The following RSBN1L variants were observed in gnomAD, a reference collection of about 807,000 sequenced individuals.
RSBN1L encodes lysine-specific demethylase RSBN1L.
Under a neutral mutation model 67.7 loss-of-function variants are expected in RSBN1L, and 30 were observed. That is an observed-to-expected ratio of 0.44 (90% confidence interval 0.33 to 0.60). RSBN1L has a LOEUF of 0.60. RSBN1L is among the 20% of genes least tolerant of loss of function. The probability of loss-of-function intolerance (pLI) is 0.02; values close to 1 mark genes in which losing one functional copy is unlikely to be tolerated. For synonymous variants in RSBN1L, 433 were observed against 387.0 expected (o/e 1.12, Z -1.39); for missense variants, 992 against 1,031.7 (o/e 0.96, Z 0.53).
At chr7:77,768,825 A>G (rs771862153) in intron 5 of RSBN1L, 22 bp downstream of exon 5, 2 of 1,609,590 alleles carry the variant, frequency 1.2e-6, no homozygotes, top group South Asian at 1.1e-5. Flanking sequence ...ACACATTTTT[A>G]TTGGAGGGGA....
At chr7:77,775,021 C>T (rs1047663718) in intron 6 of RSBN1L, among the ~76,000 whole-genome samples, 6 of 152,158 alleles carry the variant, frequency 3.9e-5, no homozygotes, top group African/African-American at 1.4e-4. Context: ...ACCACCACAT[C>T]CAGTGAATAT....
chr7:77,744,126 T>C (rs909773939), intron 2 of RSBN1L, among the ~76,000 whole-genome samples: 1 of 152,002 alleles, frequency 6.6e-6, no homozygotes, highest in African/African-American at 2.4e-5. Flanking sequence ...CAACCTACTG[T>C]GCTCAAGCCA....
intron 1 of RSBN1L, among the ~76,000 whole-genome samples, chr7:77,709,198 A>ATGTATGTATG (rs1790936517): frequency 1.6e-5 from 1 of 63,644 alleles, no homozygotes; most frequent in African/African-American, 4.7e-5. Flanking sequence ...GTGTGTGTGT[A>ATGTATGTATG]TGTATGTGTA....
At chr7:77,710,992 C>T (rs1188744990) in intron 1 of RSBN1L, among the ~76,000 whole-genome samples, 1 of 152,196 alleles carries the variant, frequency 6.6e-6, no homozygotes, top group Non-Finnish European at 1.5e-5. Flanking sequence ...AGACCTTCAA[C>T]TTCTGGATAC....
At chr7:77,724,318 T>A (rs1791162193) in intron 1 of RSBN1L, among the ~76,000 whole-genome samples, 1 of 152,132 alleles carries the variant, frequency 6.6e-6, no homozygotes, top group Admixed American at 6.6e-5. Context: ...TCTAAATCTT[T>A]AAAAAAGTAT....
chr7:77,708,097 C>G (rs533212513), intron 1 of RSBN1L, among the ~76,000 whole-genome samples: 2 of 152,112 alleles, frequency 1.3e-5, no homozygotes, highest in Non-Finnish European at 2.9e-5. Flanking sequence ...TTTAAGTCAC[C>G]TTCATCCAGA....
At chr7:77,727,706 A>C (rs970902002) in intron 1 of RSBN1L, among the ~76,000 whole-genome samples, 2 of 150,862 alleles carry the variant, frequency 1.3e-5, no homozygotes, top group African/African-American at 4.9e-5. Context: ...CATCAAGTAC[A>C]CCTCGTGCCT....
At position 77,696,520 on chromosome 7, in the gene RSBN1L, C is replaced by G; in HGVS notation, c.51C>G (p.Thr17=). ...ACTGTGTCGCTGCCGCGGCCCCCAC[C>G]GCCACCGTCTCGGAGAAAGAACCGT... ...PVHCVAAAAP[T]ATVSEKEPFG... The change falls in exon 1 of 8, where the codon ACC becomes ACG. Residue 17 remains threonine, a synonymous_variant. Transcript: ENST00000334955. The G allele has an allele frequency of 1.2e-6, 2 of 1,613,808 alleles. No homozygotes were observed. Among genetic ancestry groups the G allele is most frequent in the Non-Finnish European group, 1.7e-6 (2 of 1,179,930 alleles).
rs1791758365 is a variant in RSBN1L, at chr7:77,765,767, A to G, written c.1482+135A>G. ...AATGAATGGCTGTTTCAGAAATAGA[A>G]ACGTTTTGGTTTTATTTGAACTGGA... is the stretch of plus-strand genomic sequence containing the variant. On this transcript the variant is annotated intron_variant, in intron 4 of 7. Coordinates refer to ENST00000334955, the MANE Select transcript of RSBN1L (RefSeq NM_198467.3). 4 of 665,640 alleles carry G rather than the reference A, an allele frequency of 6.0e-6. No individual in the cohort carries two copies. The Admixed American group carries it at 1.3e-4, about 21-fold the overall frequency. 41.2% of individuals were successfully genotyped at this position (665,640 alleles called of 1,614,324 possible).
intron 3 of RSBN1L, among the ~76,000 whole-genome samples, chr7:77,761,149 T>A (rs1236596945): frequency 1.3e-5 from 2 of 152,232 alleles, no homozygotes; most frequent in Non-Finnish European, 2.9e-5. Context: ...TCTTCATTGC[T>A]GAACATATGC....
In RSBN1L at chr7:77,725,243, A is replaced by AATTTTTTTTTTTT. The variant is rs1554338354; in HGVS notation, c.587-11167_587-11166insATTTTTTTTTTTT. Among the ~76,000 whole-genome samples the AATTTTTTTTTTTT allele has an allele frequency of 4.1e-4, 24 of 57,884 alleles. 2 individuals are homozygous for AATTTTTTTTTTTT. Among genetic ancestry groups the AATTTTTTTTTTTT allele is most frequent in the African/African-American group, 2.1e-3 (24 of 11,306 alleles). 38.0% of individuals were successfully genotyped at this position (57,884 alleles called of 152,430 possible). A position where few individuals can be genotyped will look rare whatever the true frequency, so the allele number is the denominator to read the frequency against. On this transcript the variant is annotated intron_variant, in intron 1 of 7. Coordinates refer to ENST00000334955, the MANE Select transcript of RSBN1L (RefSeq NM_198467.3). ...TTTCTTCCCTAGGGATAAGCCCCCC[A>AATTTTTTTTTTTT]CTTTTTTTTTTTTTTTTTTTTTGAG...
At chr7:77,770,167 G>A (rs1791827874) in intron 5 of RSBN1L, among the ~76,000 whole-genome samples, 1 of 151,904 alleles carries the variant, frequency 6.6e-6, no homozygotes, top group Non-Finnish European at 1.5e-5. Flanking sequence ...GAAGTCAGGA[G>A]TTTGAAGATC....
At chr7:77,775,459 G>A (rs1054182064) in intron 6 of RSBN1L, among the ~76,000 whole-genome samples, 37 of 152,148 alleles carry the variant, frequency 2.4e-4, no homozygotes, top group African/African-American at 8.4e-4. Flanking sequence ...AACCTGGGAG[G>A]TGGAGGTTGC....
intron 1 of RSBN1L, among the ~76,000 whole-genome samples, chr7:77,710,916 G>C (rs980589953): frequency 6.6e-6 from 1 of 151,986 alleles, no homozygotes; most frequent in South Asian, 2.1e-4. Context: ...TTAGTAACTC[G>C]TTTGTCATCT....
At chr7:77,701,294 G>T (rs1790815592) in intron 1 of RSBN1L, among the ~76,000 whole-genome samples, 1 of 151,212 alleles carries the variant, frequency 6.6e-6, no homozygotes, top group African/African-American at 2.4e-5. Context: ...TTCCTTAGTT[G>T]ACATTCTGGG....
chr7:77,753,509 G>A (rs570944521), intron 3 of RSBN1L, among the ~76,000 whole-genome samples: 2 of 152,268 alleles, frequency 1.3e-5, no homozygotes, highest in East Asian at 3.9e-4. Flanking sequence ...ATGTAGATAA[G>A]AATCTTTTGT....
At chr7:77,711,369 T>C (rs1401674842) in intron 1 of RSBN1L, among the ~76,000 whole-genome samples, 1 of 151,410 alleles carries the variant, frequency 6.6e-6, no homozygotes, top group Admixed American at 6.6e-5. Flanking sequence ...TGGCACATAG[T>C]CTTGCTGTCA....
At chr7:77,747,062 G>A (rs1408149251) in intron 2 of RSBN1L, among the ~76,000 whole-genome samples, 1 of 152,112 alleles carries the variant, frequency 6.6e-6, no homozygotes, top group East Asian at 1.9e-4. Flanking sequence ...CCATTCTGGG[G>A]TCTGGAGGAC....
At chr7:77,763,828 A>G (rs558074075) in intron 3 of RSBN1L, among the ~76,000 whole-genome samples, 111 of 152,308 alleles carry the variant, frequency 7.3e-4, no homozygotes, top group Middle Eastern at 3.4e-3. Context: ...CTGGGCTTAC[A>G]GGCCCTTAAT....
Sources: gnomAD v4.1 joint callset for allele counts (sites outside exome capture counted in the v4.1 genomes callset) on GRCh38, gnomAD v4.1.1 for gene constraint, MANE v1.5 for transcripts, NCBI Gene and HGNC (gene_info 2026-07-23, HGNC 2026-07-21) for gene names.